DCC: variants seen among roughly 807,000 people sequenced by gnomAD.
DCC encodes the protein netrin receptor DCC.
A neutral mutation model predicts 172.5 loss-of-function variants in DCC; 58 were observed. The observed-to-expected ratio is 0.34, with a 90% CI of 0.27 to 0.42. The LOEUF is 0.42. DCC is among the 10% of genes least tolerant of loss of function. The pLI is 1.00. For missense variants in DCC, 1,740 were observed against 1,791.0 expected (o/e 0.97, Z 0.51); for synonymous variants, 709 against 644.5 (o/e 1.10, Z -1.52).
In DCC at chr18:52,460,351, C is replaced by T. The variant is rs147032575; in HGVS notation, c.91+119473C>T. On this transcript the variant is annotated intron_variant, in intron 1 of 28. Transcript: ENST00000442544. The stretch of plus-strand genomic sequence containing the variant: ...CATTCTGATTCTGCTTTTAGCTAAC[C>T]TCTCCATAGCATTTGATCTAGCTGA... Among the ~76,000 whole-genome samples the T allele has an allele frequency of 1.1e-4, 17 of 152,228 alleles. No homozygotes were observed. The East Asian group carries it at 3.1e-3, about 28-fold the overall frequency.
intron 1 of DCC, among the ~76,000 whole-genome samples, chr18:52,710,114 T>C (rs1056981371): frequency 6.6e-6 from 1 of 152,200 alleles, no homozygotes; most frequent in African/African-American, 2.4e-5. Context: ...TCATTAGAGA[T>C]ATGTGTAAGG....
chr18:52,403,277 T>C (rs1431045766), intron 1 of DCC, among the ~76,000 whole-genome samples: 1 of 152,016 alleles, frequency 6.6e-6, no homozygotes, highest in African/African-American at 2.4e-5. Context: ...CTCAGATTTG[T>C]CTTTGTTGTT....
At chr18:52,427,135 CT>C (rs1987454790) in intron 1 of DCC, among the ~76,000 whole-genome samples, 1 of 152,098 alleles carries the variant, frequency 6.6e-6, no homozygotes, top group Non-Finnish European at 1.5e-5. Flanking sequence ...TAAGTACTTA[CT>C]ACTGGAAGGG....
intron 2 of DCC, among the ~76,000 whole-genome samples, chr18:52,875,198 A>G (rs905127249): frequency 1.1e-4 from 16 of 151,458 alleles, no homozygotes; most frequent in Middle Eastern, 3.4e-3. Context: ...AAACAATATA[A>G]TAAACAAAGT....
intron 13 of DCC, among the ~76,000 whole-genome samples, chr18:53,317,509 A>G (rs2057358290): frequency 6.6e-6 from 1 of 152,108 alleles, no homozygotes; most frequent in Non-Finnish European, 1.5e-5. Context: ...TGAGTTAGAG[A>G]GGAGTCCCTC....
intron 24 of DCC, among the ~76,000 whole-genome samples, chr18:53,464,859 A>T (rs1490384189): frequency 1.3e-5 from 2 of 151,718 alleles, no homozygotes; most frequent in Non-Finnish European, 2.9e-5. Flanking sequence ...CATGCCTGTA[A>T]TCCCAGCTAC....
At chr18:52,401,864 C>T (rs1277765434) in intron 1 of DCC, among the ~76,000 whole-genome samples, 1 of 151,862 alleles carries the variant, frequency 6.6e-6, no homozygotes, top group African/African-American at 2.4e-5. Flanking sequence ...AATTTTTGGC[C>T]TATTTAATTC....
intron 1 of DCC, among the ~76,000 whole-genome samples, chr18:52,650,056 G>A (rs112470653): frequency 0.034 from 4,651 of 138,398 alleles, 231 homozygotes; most frequent in African/African-American, 0.12. Flanking sequence ...TCGGCTCACC[G>A]CAACCTCTGC....
intron 15 of DCC, among the ~76,000 whole-genome samples, chr18:53,352,707 G>C (rs2057826676): frequency 6.6e-6 from 1 of 152,044 alleles, no homozygotes; most frequent in African/African-American, 2.4e-5. Flanking sequence ...AAAGTGTTTA[G>C]ACCATTTACA....
At chr18:52,911,034 A>T (rs1348809529) in intron 3 of DCC, among the ~76,000 whole-genome samples, 1 of 152,120 alleles carries the variant, frequency 6.6e-6, no homozygotes, top group East Asian at 1.9e-4. Context: ...ACTCAATGGC[A>T]CATTAAACTT....
chr18:52,424,100 G>C (rs1175194685), intron 1 of DCC, among the ~76,000 whole-genome samples: 1 of 151,992 alleles, frequency 6.6e-6, no homozygotes, highest in African/African-American at 2.4e-5. Context: ...ATGAAAATTG[G>C]TTTGCTTATT....
intron 25 of DCC, among the ~76,000 whole-genome samples, chr18:53,483,588 TC>T (rs377138246): frequency 9.9e-5 from 15 of 152,014 alleles, no homozygotes; most frequent in African/African-American, 3.6e-4. Flanking sequence ...CAATTTATTT[TC>T]CCCACAGATT....
chr18:53,442,175 TTTATTGTGCTTCACA>T (rs1406168148), intron 22 of DCC, among the ~76,000 whole-genome samples: 1 of 152,220 alleles, frequency 6.6e-6, no homozygotes, highest in Non-Finnish European at 1.5e-5. Flanking sequence ...CATCCTTCCT[TTTATTGTGCTTCACA>T]TTATTGTGCT....
chr18:52,530,139 T>C (rs1160138303), intron 1 of DCC, among the ~76,000 whole-genome samples: 2 of 152,238 alleles, frequency 1.3e-5, no homozygotes, highest in African/African-American at 4.8e-5. Context: ...ACTTGTAGTT[T>C]ATAAATATTT....
chr18:52,556,099 C>T (rs2032906977), intron 1 of DCC, among the ~76,000 whole-genome samples: 1 of 152,080 alleles, frequency 6.6e-6, no homozygotes, highest in Non-Finnish European at 1.5e-5. Context: ...TAAGCTGCTC[C>T]TAAGTCCAGG....
chr18:52,500,461 A>G (rs1044475523), intron 1 of DCC, among the ~76,000 whole-genome samples: 4 of 152,202 alleles, frequency 2.6e-5, no homozygotes, highest in African/African-American at 9.7e-5. Context: ...ATTTGGAATA[A>G]GTGAAAAAGA....
intron 7 of DCC, among the ~76,000 whole-genome samples, chr18:53,104,263 C>A (rs1390001219): frequency 6.6e-6 from 1 of 151,982 alleles, no homozygotes; most frequent in Non-Finnish European, 1.5e-5. Context: ...CCACCCAAAT[C>A]TTGTCCTGAA....
chr18:52,957,295 A>G (rs1005290958), intron 5 of DCC, among the ~76,000 whole-genome samples: 38 of 152,224 alleles, frequency 2.5e-4, no homozygotes, highest in Admixed American at 1.9e-3. Context: ...AATACAACCA[A>G]TATAGTAGAT....
At chr18:52,861,521 A>C (rs116352772) in intron 2 of DCC, among the ~76,000 whole-genome samples, 3,239 of 152,348 alleles carry the variant, frequency 0.021, 96 homozygotes, top group African/African-American at 0.07. Context: ...TTTTGGAGAA[A>C]TCATGTAGAT....
Sources: allele counts gnomAD v4.1 joint callset (sites outside exome capture counted in the v4.1 genomes callset), GRCh38; gene constraint gnomAD v4.1.1; transcripts MANE v1.5; gene names NCBI Gene and HGNC (gene_info 2026-07-23, HGNC 2026-07-21).